Variants in MRPS15 observed in about 807,000 individuals in gnomAD.
MRPS15 encodes the protein mitochondrial ribosomal protein S15.
In MRPS15, 25 loss-of-function variants were observed where a neutral mutation model predicts 30.7. The ratio of observed to expected loss-of-function variants is 0.81; its 90% CI spans 0.59 to 1.14. The LOEUF (loss-of-function observed/expected upper bound fraction) is 1.14. Ranked by LOEUF, MRPS15 falls within the 50% of genes most tolerant of loss-of-function variation. MRPS15 has a pLI of 0.00. For synonymous variants in MRPS15, 124 were observed against 120.1 expected, an observed-to-expected ratio of 1.03 and a Z score of -0.21; for missense variants, 313 against 321.7, an observed-to-expected ratio of 0.97 and a Z score of 0.21.
intron 6 of MRPS15, 28 bp from the exon 7 acceptor site, chr1:36,456,406 A>G (rs1476937148): frequency 2.4e-5 from 38 of 1,563,520 alleles, no homozygotes; most frequent in Non-Finnish European, 3.0e-5. Context: ...TACTTTTAGT[A>G]TTATATAAGT....
Position 36,455,877 on chromosome 1 carries a change from C to G in MRPS15, c.685G>C (p.Ala229Pro), listed in dbSNP as rs773008760. 2.5e-6 allele frequency: 4 copies of G among 1,614,092 alleles called. No individual in the cohort carries two copies. The highest frequency in any genetic ancestry group is 2.2e-5 in the East Asian group (1 of 44,884). The change falls in exon 8 of 8, where the codon GCT becomes CCT. Residue 229 changes from alanine to proline, a missense_variant. Coordinates refer to ENST00000373116, the MANE Select transcript of MRPS15 (RefSeq NM_031280.4). ...GCTTGTTTTTGGGCTGCTGCTGCAG[C>G]CTTTAAGGCTCTTCTTCGCTTCTTC... is the stretch of plus-strand genomic sequence containing the variant. Reference protein sequence around the residue: ...KLKKRRRALKAAAAAQKQAKR... With the variant: ...KLKKRRRALKPAAAAQKQAKR...
Position 36,460,733 on chromosome 1 carries a change from A to C in MRPS15, c.344T>G (p.Ile115Ser). Residue 115 changes from isoleucine to serine, a missense_variant, in exon 5 of 8, where the codon ATT (isoleucine) becomes AGT (serine). By Grantham distance (142) the Ile-to-Ser change is moderately radical. Coordinates refer to ENST00000373116, the MANE Select transcript of MRPS15 (RefSeq NM_031280.4). ...TCTGGTGTCCTCTGGGTTTGCAACAATCTTCTTCATAAACTGTTCTTGCTT... is the reference window on the plus strand; with the variant it reads ...TCTGGTGTCCTCTGGGTTTGCAACACTCTTCTTCATAAACTGTTCTTGCTT... ...KIKQEQFMKKIVANPEDTRSL... is the reference protein window; with the variant it reads ...KIKQEQFMKKSVANPEDTRSL... The C allele has an allele frequency of 6.2e-7, 1 of 1,614,082 alleles. No individual in the cohort carries two copies. Among genetic ancestry groups the C allele is most frequent in the Non-Finnish European group, 8.5e-7 (1 of 1,179,976 alleles).
At chr1:36,456,117 T>TCC in intron 7 of MRPS15, 70 bp downstream of exon 7, 3 of 1,527,292 alleles carry the variant, frequency 2.0e-6, no homozygotes, top group Non-Finnish European at 2.6e-6. Context: ...AAACAGATGA[T>TCC]CCCTCCCTTC....
At chr1:36,462,067 A>G in intron 3 of MRPS15, 21 bp downstream of exon 3, 1 of 1,605,228 alleles carries the variant, frequency 6.2e-7, no homozygotes, top group South Asian at 1.1e-5. Context: ...TGCCTCCTCT[A>G]CTAGGTTTCT....
At chr1:36,456,036 C>G (rs1287169739) in intron 7 of MRPS15, 111 bp from the exon 8 acceptor site, 1 of 1,496,860 alleles carries the variant, frequency 6.7e-7, no homozygotes, top group Non-Finnish European at 9.0e-7. Context: ...AGCCTTTCTC[C>G]ATGGGGTTGG....
chr1:36,455,783 A>G lies in MRPS15; in HGVS notation c.*5T>C. 6.2e-7 allele frequency: 1 copy of G among 1,613,104 alleles called. No homozygotes were observed. Among genetic ancestry groups the G allele is most frequent in the Non-Finnish European group, 8.5e-7 (1 of 1,179,794 alleles). On this transcript the variant is annotated 3_prime_UTR_variant, in exon 8 of 8. Transcript: ENST00000373116. Reference sequence around the variant, plus strand: ...TCAAGACAGAAAGAAATGATTGAACAGAATTTATTGGCTGTCTTTGAGTGT... The same window carrying G: ...TCAAGACAGAAAGAAATGATTGAACGGAATTTATTGGCTGTCTTTGAGTGT...
chr1:36,463,794 AG>A lies in MRPS15; in HGVS notation c.175+11del, dbSNP rs1316737623. Reference sequence around the variant, plus strand: ...TCTCTTCCGCCCCAAGTCCCACCTTAGGAACTCCTACCTGGTTTCCGGACGA... The same window carrying A: ...TCTCTTCCGCCCCAAGTCCCACCTTAGAACTCCTACCTGGTTTCCGGACGA... On this transcript the variant is annotated intron_variant, in intron 2 of 7. Transcript: ENST00000373116. 1.2e-6 allele frequency: 2 copies of A among 1,610,016 alleles called. No individual in the cohort carries two copies. The highest frequency in any genetic ancestry group is 2.2e-5 in the East Asian group (1 of 44,808).
rs762606605 is a variant in MRPS15 at position 36,460,765 on chromosome 1, T to C, written c.312A>G (p.Leu104=). ...SLEMANKKEM[L]KIKQEQFMKK... is the part of the protein sequence containing the mutation. ...TCATAAACTGTTCTTGCTTGATTTT[T>C]AGCATCTCCTTCTGTTGAAGACAGA... The change falls in exon 5 of 8, where the codon CTA becomes CTG. Residue 104 remains leucine, a synonymous_variant. Transcript: ENST00000373116. 3 of 1,613,966 alleles carry C rather than the reference T, an allele frequency of 1.9e-6. No homozygotes were observed. The highest frequency in any genetic ancestry group is 2.5e-6 in the Non-Finnish European group (3 of 1,179,836).
In MRPS15 at chr1:36,464,180, C is replaced by T. The variant is rs753733557; in HGVS notation, c.96G>A (p.Lys32=). 6 of 1,613,842 alleles carry T rather than the reference C, an allele frequency of 3.7e-6. No homozygotes were observed. The highest frequency in any genetic ancestry group is 1.3e-5 in the African/African-American group (1 of 75,008). Reference sequence around the variant, plus strand: ...GCAGGCCCCACTGGTTGAAAGGAAACTTGGCGCTCCCACCGCCCGGCAGCC... The same window carrying T: ...GCAGGCCCCACTGGTTGAAAGGAAATTTGGCGCTCCCACCGCCCGGCAGCC... The part of the protein sequence containing the change: ...VPGLPGGGSA[K]FPFNQWGLQP... Residue 32 remains lysine (K), a synonymous_variant, in exon 1 of 8, where the codon AAG becomes AAA. Coordinates refer to ENST00000373116, the MANE Select transcript of MRPS15 (RefSeq NM_031280.4).
At chr1:36,462,193 C>A in intron 2 of MRPS15, 30 bp from the exon 3 acceptor site, 1 of 1,567,138 alleles carries the variant, frequency 6.4e-7, no homozygotes, top group Non-Finnish European at 8.8e-7. Flanking sequence ...ATAGAAAACA[C>A]CCAGAGTCAA....
At chr1:36,456,064 G>C in intron 7 of MRPS15, 123 bp downstream of exon 7, 1 of 1,478,188 alleles carries the variant, frequency 6.8e-7, no homozygotes, top group South Asian at 1.4e-5. Flanking sequence ...TGACCTCCCT[G>C]GATCCATTCC....
At chr1:36,456,455 T>C (rs1649997555) in intron 6 of MRPS15, 77 bp from the exon 7 acceptor site, 1 of 1,315,758 alleles carries the variant, frequency 7.6e-7, no homozygotes, top group Non-Finnish European at 1.0e-6. Flanking sequence ...GGTCATTTTA[T>C]CATTTCACTG....
In MRPS15 at chr1:36,458,633, C is replaced by A. The variant is rs61772392; in HGVS notation, c.386-652G>T. ...TTCAACATTGTATTAGAGGTCCAAG[C>A]CAATGCAGTAAAGTATTTTGGCACA... On this transcript the variant is annotated intron_variant, in intron 5 of 7. Transcript: ENST00000373116. This position sits in a 1 kb window ranked among gnomAD's most constrained non-coding sequence, Gnocchi z 4.5. 0.2 allele frequency: 30,365 copies of A among 152,218 alleles called. 3,149 individuals are homozygous for A. The highest frequency in any genetic ancestry group is 0.26 in the East Asian group (1,330 of 5,188). 9.4% of individuals were successfully genotyped at this position (152,218 alleles called of 1,614,324 possible).
At chr1:36,459,914 G>A (rs932216712) in intron 5 of MRPS15, among the ~76,000 whole-genome samples, 18 of 152,232 alleles carry the variant, frequency 1.2e-4, no homozygotes, top group Non-Finnish European at 2.5e-4. Context: ...ATCTAATGAG[G>A]ACTACTGCCA....
chr1:36,463,655 G>A, intron 2 of MRPS15, 151 bp downstream of exon 2: 3 of 848,788 alleles, frequency 3.5e-6, no homozygotes, highest in Non-Finnish European at 1.8e-6. Flanking sequence ...GCAGGCCTAG[G>A]GCTTTGTGTA....
intron 4 of MRPS15, 117 bp from the exon 5 acceptor site, chr1:36,460,893 C>T (rs1650084567): frequency 1.2e-6 from 1 of 816,082 alleles, no homozygotes; most frequent in Non-Finnish European, 2.0e-6. Context: ...AGGCTCAGGG[C>T]CTGACTTCAC....
intron 2 of MRPS15, 109 bp from the exon 3 acceptor site, chr1:36,462,272 G>A: frequency 2.6e-6 from 2 of 760,158 alleles, no homozygotes; most frequent in African/African-American, 1.7e-5. Flanking sequence ...GGACATTCAG[G>A]GTCTCAAGCA....
intron 5 of MRPS15, among the ~76,000 whole-genome samples, chr1:36,460,397 G>A (rs1336640638): frequency 3.3e-5 from 5 of 152,150 alleles, no homozygotes; most frequent in Non-Finnish European, 7.4e-5. Flanking sequence ...GCCATGAGGT[G>A]GGTAACATTA....
chr1:36,462,174 A>C lies in MRPS15; in HGVS notation c.176-11T>G. Reference sequence around the variant, plus strand: ...CCAGCCTAGACTGGGCTGTCAAGTAAATATGGGGATAGAAAACACCCAGAG... The same window carrying C: ...CCAGCCTAGACTGGGCTGTCAAGTACATATGGGGATAGAAAACACCCAGAG... On this transcript the variant is annotated splice_polypyrimidine_tract_variant and intron_variant, in intron 2 of 7. Transcript: ENST00000373116. 2 of 1,605,350 alleles carry C rather than the reference A, an allele frequency of 1.2e-6. No homozygotes were observed. Among genetic ancestry groups the C allele is most frequent in the Non-Finnish European group, 1.7e-6 (2 of 1,173,600 alleles).
Sources: allele counts gnomAD v4.1 joint callset (sites outside exome capture counted in the v4.1 genomes callset), GRCh38; gene constraint gnomAD v4.1.1; non-coding constraint Gnocchi (gnomAD v3.1); transcripts MANE v1.5; gene names NCBI Gene and HGNC (gene_info 2026-07-23, HGNC 2026-07-21).